Variants in TBK1 observed in about 807,000 individuals in gnomAD.
The protein encoded by TBK1 is serine/threonine-protein kinase TBK1.
Under a neutral mutation model 99.9 loss-of-function variants are expected in TBK1, and 37 were observed. That is an observed-to-expected ratio of 0.37 (90% CI 0.28 to 0.49). TBK1 has a LOEUF of 0.49. TBK1 is among the 20% of genes least tolerant of loss of function. The pLI is 0.98. For missense variants in TBK1, 644 were observed against 872.5 expected (o/e 0.74, Z 3.30); for synonymous variants, 258 against 279.8 (o/e 0.92, Z 0.78).
intron 3 of TBK1, among the ~76,000 whole-genome samples, chr12:64,460,832 C>CAAAAA (rs1221718352): frequency 1.1e-4 from 5 of 45,420 alleles, no homozygotes; most frequent in Non-Finnish European, 1.3e-4. Context: ...GACTCCATCT[C>CAAAAA]AAAAAAAAAA....
intron 2 of TBK1, among the ~76,000 whole-genome samples, chr12:64,458,294 C>T (rs1476138478): frequency 6.6e-6 from 1 of 152,022 alleles, no homozygotes; most frequent in African/African-American, 2.4e-5. Context: ...GGATTTTTAC[C>T]ATGATATTAG....
intron 20 of TBK1, among the ~76,000 whole-genome samples, chr12:64,498,922 C>T (rs2040957570): frequency 6.7e-6 from 1 of 150,006 alleles, no homozygotes; most frequent in Admixed American, 6.7e-5. Flanking sequence ...CACCACTGCA[C>T]TCCAGCCTGG....
intron 9 of TBK1, among the ~76,000 whole-genome samples, chr12:64,484,997 C>T (rs960550743): frequency 3.3e-5 from 5 of 152,102 alleles, no homozygotes; most frequent in African/African-American, 1.2e-4. Context: ...AAGTGTTTTG[C>T]TAACACTCAA....
At chr12:64,461,190 A>T (rs1342861471) in intron 3 of TBK1, among the ~76,000 whole-genome samples, 2 of 151,904 alleles carry the variant, frequency 1.3e-5, no homozygotes, top group Admixed American at 1.3e-4. Context: ...GAGAAAAAAT[A>T]ATTATAAAAA....
chr12:64,484,010 T>TACACACACAC lies in TBK1; in HGVS notation c.993-263_993-254dup, dbSNP rs71092971. On this transcript the variant is annotated intron_variant, in intron 8 of 20. Transcript: ENST00000331710. ...CAACAGAGCGAAACTCTGTCTCACA[T>TACACACACAC]ACACACACACACACACACACACACA... 219 of 155,178 alleles carry TACACACACAC rather than the reference T, an allele frequency of 1.4e-3. 2 individuals are homozygous for TACACACACAC. The highest frequency in any genetic ancestry group is 4.6e-3 in the African/African-American group (178 of 38,664). The allele number at this position is 155,178 out of a possible 1,614,324, so 9.6% of individuals were successfully genotyped here.
intron 4 of TBK1, among the ~76,000 whole-genome samples, chr12:64,465,242 C>CAAAAAAAAAAAAAAAA (rs57575805): frequency 8.6e-5 from 5 of 57,918 alleles, no homozygotes; most frequent in East Asian, 5.4e-4. Flanking sequence ...AAGACTATCT[C>CAAAAAAAAAAAAAAAA]AAAAAAAAAA....
chr12:64,463,850 A>G lies in TBK1; in HGVS notation c.229-484A>G, dbSNP rs544044860. Among the ~76,000 whole-genome samples the G allele has an allele frequency of 4.7e-4, 69 of 148,180 alleles. 1 individual carries two copies. In the South Asian group the frequency reaches 7.2e-3, roughly 16 times the overall value. On this transcript the variant is annotated intron_variant, in intron 3 of 20. Transcript: ENST00000331710. ...TTCTTCACCTAATAGGAATTTGGAAAATGTTAGTTTTTTTTTTTTGTTTTT... is the reference window on the plus strand; with the variant it reads ...TTCTTCACCTAATAGGAATTTGGAAGATGTTAGTTTTTTTTTTTTGTTTTT...
chr12:64,481,393 T>G (rs1394909603), intron 7 of TBK1, among the ~76,000 whole-genome samples: 3 of 152,178 alleles, frequency 2.0e-5, no homozygotes, highest in African/African-American at 7.2e-5. Flanking sequence ...AGAAAGTATA[T>G]TATATAATTT....
In TBK1 at chr12:64,488,472, ATTTTC is replaced by A. The variant is rs1280485272; in HGVS notation, c.1341-10_1341-6del. On this transcript the variant is annotated splice_polypyrimidine_tract_variant and intron_variant, in intron 11 of 20. Coordinates refer to ENST00000331710, the MANE Select transcript of TBK1 (RefSeq NM_013254.4). ...CTCCTTAGATAAACTAATTAGAATA[ATTTTC>A]TTTTTTTAGTGAATTAATTAAAGAT... 7 of 1,484,372 alleles carry A rather than the reference ATTTTC, an allele frequency of 4.7e-6. No individual in the cohort carries two copies. The highest frequency in any genetic ancestry group is 6.4e-6 in the Non-Finnish European group (7 of 1,097,624). 92.0% of individuals were successfully genotyped at this position (1,484,372 alleles called of 1,614,324 possible). A position where few individuals can be genotyped will look rare whatever the true frequency, so the allele number is the denominator to read the frequency against.
At chr12:64,462,981 G>C (rs936671997) in intron 3 of TBK1, among the ~76,000 whole-genome samples, 4 of 152,112 alleles carry the variant, frequency 2.6e-5, no homozygotes, top group East Asian at 3.8e-4. Context: ...TTATTTTTAA[G>C]GATAGGACTC....
At chr12:64,492,292 T>C (rs1172998701) in intron 13 of TBK1, among the ~76,000 whole-genome samples, 1 of 152,150 alleles carries the variant, frequency 6.6e-6, no homozygotes, top group Admixed American at 6.5e-5. Context: ...TCCTGTGAGA[T>C]TAAGATTTCT....
At chr12:64,472,993 G>A (rs535111011) in intron 5 of TBK1, among the ~76,000 whole-genome samples, 1 of 152,222 alleles carries the variant, frequency 6.6e-6, no homozygotes, top group South Asian at 2.1e-4. Flanking sequence ...TGATTCTAGA[G>A]AATTTAATTT....
At chr12:64,483,863 T>G (rs974540187) in intron 8 of TBK1, among the ~76,000 whole-genome samples, 1 of 152,020 alleles carries the variant, frequency 6.6e-6, no homozygotes, top group African/African-American at 2.4e-5. Flanking sequence ...AAAAATCAGC[T>G]GGGTGTGGTG....
intron 2 of TBK1, 114 bp from the exon 3 acceptor site, chr12:64,460,075 A>G (rs1249107883): frequency 3.1e-6 from 2 of 645,578 alleles, no homozygotes; most frequent in Non-Finnish European, 4.6e-6. Flanking sequence ...CTGTGCCTAA[A>G]AGATGCATGA....
intron 4 of TBK1, among the ~76,000 whole-genome samples, chr12:64,464,923 T>C (rs1004444555): frequency 2.0e-5 from 3 of 152,006 alleles, no homozygotes; most frequent in South Asian, 2.1e-4. Context: ...AATACCACTT[T>C]ATACCAATGA....
chr12:64,464,063 C>A (rs1335852216), intron 3 of TBK1, among the ~76,000 whole-genome samples: 2 of 152,052 alleles, frequency 1.3e-5, no homozygotes, highest in Non-Finnish European at 2.9e-5. Flanking sequence ...CGGGTTTCAG[C>A]ATGTTGGCCA....
At chr12:64,484,253 C>T in intron 8 of TBK1, 50 bp from the exon 9 acceptor site, 1 of 1,239,372 alleles carries the variant, frequency 8.1e-7, no homozygotes, top group Non-Finnish European at 1.1e-6. Flanking sequence ...AATATTTTGC[C>T]TCTCACTTTA....
At position 64,481,982 on chromosome 12, in the gene TBK1, A is replaced by G; in HGVS notation, c.953A>G (p.Gln318Arg). 2 of 1,604,742 alleles carry G rather than the reference A, an allele frequency of 1.2e-6. No individual in the cohort carries two copies. The highest frequency in any genetic ancestry group is 1.7e-6 in the Non-Finnish European group (2 of 1,175,748). ...GTAATTCATGTTTTTTCGCTACAAC[A>G]AATGACAGCTCATAAGATTTATATT... ...RMVIHVFSLQ[Q>R]MTAHKIYIHS... The change falls in exon 8 of 21, where the codon CAA becomes CGA. Residue 318 changes from glutamine to arginine, a missense_variant. Around this residue, in one of 3 missense-constraint regions of TBK1, gnomAD observed 465 missense variants for 588.0 expected, o/e 0.79. Transcript: ENST00000331710.
intron 5 of TBK1, among the ~76,000 whole-genome samples, chr12:64,470,242 G>T (rs913416260): frequency 6.6e-6 from 1 of 152,064 alleles, no homozygotes; most frequent in African/African-American, 2.4e-5. Context: ...TCAGTATCTT[G>T]AAATGAAATT....
Sources: allele counts gnomAD v4.1 joint callset (sites outside exome capture counted in the v4.1 genomes callset), GRCh38; gene constraint gnomAD v4.1.1; regional missense constraint gnomAD v4.1.1; transcripts MANE v1.5; gene names NCBI Gene and HGNC (gene_info 2026-07-23, HGNC 2026-07-21).